The following RBFOX1 variants were observed in gnomAD, a reference collection of about 807,000 sequenced individuals.
The protein encoded by RBFOX1 is RNA binding protein fox-1 homolog 1.
A neutral mutation model predicts 57.7 loss-of-function variants in RBFOX1; 8 were observed. The ratio of observed to expected loss-of-function variants is 0.14; its 90% CI spans 0.08 to 0.25. RBFOX1 has a LOEUF of 0.25. Ranked by LOEUF, RBFOX1 falls within the 10% of genes least tolerant of loss-of-function variation. The pLI is 1.00. For missense variants in RBFOX1, 611 were observed against 548.5 expected (o/e 1.11, Z -1.14); for synonymous variants, 326 against 222.4 (o/e 1.47, Z -4.15).
At chr16:6,688,337 C>T (rs2059740056) in intron 3 of RBFOX1, among the ~76,000 whole-genome samples, 1 of 152,082 alleles carries the variant, frequency 6.6e-6, no homozygotes, top group African/African-American at 2.4e-5. Flanking sequence ...CATTAGAAAC[C>T]ACCCCCATGA....
rs1289560168 is a variant in RBFOX1 at position 7,518,403 on chromosome 16, T to A, written c.270+14T>A. ...GGCACCGCCACAGTAAGTGGACGTG[T>A]TTGCTACGGGTGGGAGGTTATGGGG... is the stretch of plus-strand genomic sequence containing the variant. On this transcript the variant is annotated intron_variant, in intron 5 of 15. Coordinates refer to ENST00000550418, the MANE Select transcript of RBFOX1 (RefSeq NM_018723.4). 1 of 1,600,814 alleles carries A rather than the reference T, an allele frequency of 6.2e-7. No individual in the cohort carries two copies. Among genetic ancestry groups the A allele is most frequent in the Non-Finnish European group, 8.5e-7 (1 of 1,171,350 alleles).
chr16:6,879,005 A>G (rs1222538783), intron 3 of RBFOX1, among the ~76,000 whole-genome samples: 1 of 152,192 alleles, frequency 6.6e-6, no homozygotes, highest in African/African-American at 2.4e-5. Context: ...AATGCTAATA[A>G]GCAAAGCCCA....
intron 4 of RBFOX1, among the ~76,000 whole-genome samples, chr16:5,996,270 C>A (rs182096298): frequency 8.5e-5 from 13 of 152,262 alleles, no homozygotes; most frequent in Admixed American, 7.2e-4. Flanking sequence ...TTCTCTACAT[C>A]CGCACCATGG....
chr16:6,253,515 T>A (rs2097638827), intron 1 of RBFOX1, among the ~76,000 whole-genome samples: 2 of 152,142 alleles, frequency 1.3e-5, no homozygotes, highest in Admixed American at 1.3e-4. Context: ...ATTTGGTGAC[T>A]CTGAGTCCTA....
intron 3 of RBFOX1, among the ~76,000 whole-genome samples, chr16:5,803,975 C>G (rs376895258): frequency 2.6e-4 from 39 of 152,186 alleles, no homozygotes; most frequent in East Asian, 9.6e-4. Context: ...CAAACTCCTA[C>G]TTACCCTTCC....
intron 2 of RBFOX1, among the ~76,000 whole-genome samples, chr16:6,421,056 C>T (rs540345156): frequency 6.6e-6 from 1 of 152,284 alleles, no homozygotes; most frequent in South Asian, 2.1e-4. Flanking sequence ...CAATAGAAGA[C>T]ATAATTTAGA....
At chr16:6,162,956 A>G (rs1020343611) in intron 1 of RBFOX1, among the ~76,000 whole-genome samples, 1 of 151,992 alleles carries the variant, frequency 6.6e-6, no homozygotes, top group Non-Finnish European at 1.5e-5. Flanking sequence ...CTGGTCTCGA[A>G]CTCCTGACCT....
chr16:6,557,066 TAC>T (rs1280559562), intron 2 of RBFOX1, among the ~76,000 whole-genome samples: 1 of 141,096 alleles, frequency 7.1e-6, no homozygotes, highest in African/African-American at 2.6e-5. Flanking sequence ...CATATATACA[TAC>T]ATATATACAT....
chr16:5,983,972 C>G (rs1047516006), intron 4 of RBFOX1, among the ~76,000 whole-genome samples: 1 of 134,066 alleles, frequency 7.5e-6, no homozygotes, highest in Non-Finnish European at 1.6e-5. Flanking sequence ...TTCCTTCTTC[C>G]TCTTCTTCTT....
intron 3 of RBFOX1, among the ~76,000 whole-genome samples, chr16:6,690,126 G>A (rs2154131697): frequency 2.0e-5 from 3 of 152,200 alleles, no homozygotes; most frequent in Admixed American, 2.0e-4. Flanking sequence ...CTTAGAAGAT[G>A]GTCTTAGATT....
chr16:5,893,365 G>C (rs1258791015), intron 4 of RBFOX1, among the ~76,000 whole-genome samples: 2 of 152,186 alleles, frequency 1.3e-5, no homozygotes, highest in South Asian at 2.1e-4. Flanking sequence ...ATAACAGGGA[G>C]ACTATAGTCA....
intron 2 of RBFOX1, among the ~76,000 whole-genome samples, chr16:6,591,746 C>T (rs1207198003): frequency 2.0e-5 from 3 of 152,110 alleles, no homozygotes; most frequent in Non-Finnish European, 2.9e-5. Flanking sequence ...GAAAATTGCC[C>T]AGAAAGCAGA....
At chr16:5,385,164 C>T (rs1277212321) in intron 1 of RBFOX1, among the ~76,000 whole-genome samples, 1 of 152,066 alleles carries the variant, frequency 6.6e-6, no homozygotes, top group African/African-American at 2.4e-5. Context: ...GCTTTACGTG[C>T]TTTTTTTCTC....
At chr16:5,822,806 A>C (rs1321055424) in intron 3 of RBFOX1, among the ~76,000 whole-genome samples, 5 of 152,302 alleles carry the variant, frequency 3.3e-5, no homozygotes. Context: ...TTTGGAACCT[A>C]GCTGCCCAGG....
chr16:7,404,704 AAAAAC>A (rs369731128), intron 4 of RBFOX1, among the ~76,000 whole-genome samples: 2,871 of 152,230 alleles, frequency 0.019, 47 homozygotes, highest in Non-Finnish European at 0.032. Context: ...CTTTTTCAGA[AAAAAC>A]AAACAAACAA....
chr16:6,733,868 G>A (rs780830699), intron 3 of RBFOX1, among the ~76,000 whole-genome samples: 5 of 152,192 alleles, frequency 3.3e-5, no homozygotes, highest in Admixed American at 6.5e-5. Flanking sequence ...CACCCAGAAC[G>A]CAGGGCCAGT....
At position 6,909,743 on chromosome 16, in the gene RBFOX1, A is replaced by T. The variant is rs1596919382; in HGVS notation, c.-15-142314A>T. Among the ~76,000 whole-genome samples, 5 of 152,144 alleles carry T rather than the reference A, an allele frequency of 3.3e-5. 1 individual carries two copies. The highest frequency in any genetic ancestry group is 2.1e-4 in the South Asian group (1 of 4,818). On this transcript the variant is annotated intron_variant, in intron 3 of 15. Transcript: ENST00000550418. ...AGTCACAATGACTGTTGTTGGTTTC[A>T]CTTTTTTTGGTGTTATTTTCTCCCG...
rs112908300 is a variant in RBFOX1, at chr16:7,662,541, G to A, written c.891-2388G>A. ...TTGTCCATCTTCTAGGTAACAAGCA[G>A]TGTGTCAGGAACTGAGAATAGAATG... On this transcript the variant is annotated intron_variant, in intron 12 of 15. Coordinates refer to ENST00000550418, the MANE Select transcript of RBFOX1 (RefSeq NM_018723.4). Among the ~76,000 whole-genome samples the A allele has an allele frequency of 7.9e-3, 1,202 of 152,304 alleles. 19 individuals carry two copies. Among genetic ancestry groups the A allele is most frequent in the African/African-American group, 0.028 (1,153 of 41,576 alleles).
intron 1 of RBFOX1, among the ~76,000 whole-genome samples, chr16:6,267,113 G>T (rs1429936450): frequency 6.6e-6 from 1 of 152,102 alleles, no homozygotes; most frequent in Non-Finnish European, 1.5e-5. Flanking sequence ...CACACAAAAT[G>T]GAGGCACCCA....
Sources: allele counts gnomAD v4.1 joint callset (sites outside exome capture counted in the v4.1 genomes callset), GRCh38; gene constraint gnomAD v4.1.1; transcripts MANE v1.5; gene names NCBI Gene and HGNC (gene_info 2026-07-23, HGNC 2026-07-21).